Variants in CRTAC1 observed in about 807,000 individuals in gnomAD.
CRTAC1 encodes the protein cartilage acidic protein 1.
A neutral mutation model predicts 67.8 loss-of-function variants in CRTAC1; 37 were observed. The ratio of observed to expected loss-of-function variants is 0.55; its 90% CI spans 0.42 to 0.72. The LOEUF (loss-of-function observed/expected upper bound fraction) is 0.72, where lower values mean the gene tolerates loss of function less well. Among genes scored for constraint, CRTAC1 ranks in the 30% least tolerant of loss-of-function variants. The pLI is 0.00. For missense variants in CRTAC1, 780 were observed against 931.6 expected, an observed-to-expected ratio of 0.84 and a Z score of 2.12; for synonymous variants, 348 against 371.0, an observed-to-expected ratio of 0.94 and a Z score of 0.71.
chr10:97,886,542 C>G (rs2050287837), intron 11 of CRTAC1, among the ~76,000 whole-genome samples: 1 of 152,206 alleles, frequency 6.6e-6, no homozygotes, highest in Non-Finnish European at 1.5e-5. Context: ...CTTTATCAAG[C>G]AAGAAATTAT....
intron 14 of CRTAC1, chr10:97,870,955 C>T (rs536815229): frequency 6.6e-6 from 1 of 152,262 alleles, no homozygotes; most frequent in East Asian, 1.9e-4. Context: ...TATGCAACCC[C>T]CTAAAAAGGT....
At position 97,904,826 on chromosome 10, in the gene CRTAC1, A is replaced by T. The variant is rs1305885285; in HGVS notation, c.851-12T>A. ...GGGGTCGTCCACACCTGGGGAGGAG[A>T]GGCAGGAACTCTCAGGGCGGCATCC... On this transcript the variant is annotated splice_polypyrimidine_tract_variant and intron_variant, in intron 6 of 14. Coordinates refer to ENST00000370597, the MANE Select transcript of CRTAC1 (RefSeq NM_018058.7). 1 of 1,587,344 alleles carries T rather than the reference A, an allele frequency of 6.3e-7. No individual in the cohort carries two copies. The highest frequency in any genetic ancestry group is 1.4e-5 in the African/African-American group (1 of 73,132).
At chr10:97,914,593 T>C (rs114016254) in intron 5 of CRTAC1, among the ~76,000 whole-genome samples, 6,894 of 152,132 alleles carry the variant, frequency 0.045, 512 homozygotes, top group African/African-American at 0.15. Flanking sequence ...CACCTGCTAG[T>C]TCAATGTCCT....
chr10:98,021,938 A>C (rs936507683), intron 1 of CRTAC1, among the ~76,000 whole-genome samples: 1 of 152,214 alleles, frequency 6.6e-6, no homozygotes, highest in Non-Finnish European at 1.5e-5. Context: ...AATTCTTCAA[A>C]CATTGAGAAG....
intron 6 of CRTAC1, 135 bp downstream of exon 6, chr10:97,907,878 G>A (rs2050634941): frequency 1.1e-6 from 1 of 878,782 alleles, no homozygotes; most frequent in Non-Finnish European, 1.7e-6. Flanking sequence ...GTTTCTCTGT[G>A]TGGTGCAGAC....
chr10:97,923,710 C>T (rs903424426), intron 3 of CRTAC1, among the ~76,000 whole-genome samples: 2 of 152,272 alleles, frequency 1.3e-5, no homozygotes, highest in Admixed American at 6.5e-5. Context: ...TGCCCTGCCC[C>T]GTGCTCCTGC....
chr10:97,904,566 C>G, intron 7 of CRTAC1, 103 bp downstream of exon 7: 1 of 1,128,424 alleles, frequency 8.9e-7, no homozygotes, highest in Non-Finnish European at 1.2e-6. Context: ...ATTATAGGCA[C>G]GCACCACCAC....
intron 14 of CRTAC1, chr10:97,867,451 T>A (rs570442493): frequency 6.6e-6 from 1 of 152,370 alleles, no homozygotes; most frequent in East Asian, 1.9e-4. Flanking sequence ...CTACCAGACA[T>A]GGGAGCAGCA....
intron 2 of CRTAC1, among the ~76,000 whole-genome samples, chr10:97,976,326 C>T (rs932689258): frequency 6.6e-6 from 1 of 152,208 alleles, no homozygotes; most frequent in Non-Finnish European, 1.5e-5. Flanking sequence ...ACAGCATGGG[C>T]ACTGGCTCCA....
At chr10:98,018,164 T>C (rs1449240978) in intron 1 of CRTAC1, among the ~76,000 whole-genome samples, 3 of 123,330 alleles carry the variant, frequency 2.4e-5, no homozygotes, top group Non-Finnish European at 4.7e-5. Flanking sequence ...GATTGTGCAC[T>C]GCATTCCAGT....
intron 1 of CRTAC1, among the ~76,000 whole-genome samples, chr10:98,026,771 T>G (rs1326535676): frequency 2.0e-5 from 3 of 152,160 alleles, no homozygotes; most frequent in African/African-American, 7.2e-5. Context: ...CCTCTCAGAA[T>G]TCTGGCTTGG....
chr10:98,013,686 T>G (rs537777186), intron 1 of CRTAC1, among the ~76,000 whole-genome samples: 37 of 151,892 alleles, frequency 2.4e-4, no homozygotes, highest in Non-Finnish European at 3.7e-4. Flanking sequence ...AAAGATTTTG[T>G]TTTTTGGATG....
chr10:97,923,185 C>CA, intron 4 of CRTAC1, 79 bp downstream of exon 4: 1 of 1,554,534 alleles, frequency 6.4e-7, no homozygotes, highest in Non-Finnish European at 8.8e-7. Context: ...GCCACTCTGT[C>CA]AGGGGACGTC....
intron 8 of CRTAC1, among the ~76,000 whole-genome samples, chr10:97,898,096 C>T (rs974459911): frequency 1.3e-5 from 2 of 152,224 alleles, no homozygotes; most frequent in African/African-American, 4.8e-5. Flanking sequence ...TGTGCAGAGA[C>T]ACTTCTTGGT....
At chr10:97,991,421 A>AATAAATAAATAC (rs1198327034) in intron 2 of CRTAC1, among the ~76,000 whole-genome samples, 1 of 44,780 alleles carries the variant, frequency 2.2e-5, no homozygotes, top group African/African-American at 1.7e-4. Context: ...TTTTAAAAAT[A>AATAAATAAATAC]ATAAATAAAT....
chr10:97,912,206 A>T (rs2050696090), intron 5 of CRTAC1, among the ~76,000 whole-genome samples: 1 of 152,226 alleles, frequency 6.6e-6, no homozygotes, highest in Non-Finnish European at 1.5e-5. Flanking sequence ...CACAGTCATT[A>T]GCTGGGACTA....
chr10:97,961,376 A>G (rs1399770635), intron 2 of CRTAC1, among the ~76,000 whole-genome samples: 1 of 152,220 alleles, frequency 6.6e-6, no homozygotes, highest in East Asian at 1.9e-4. Flanking sequence ...TAGGGGGGAA[A>G]ACGTCATGAA....
chr10:98,003,783 G>T (rs898923451), intron 2 of CRTAC1, among the ~76,000 whole-genome samples: 4 of 152,178 alleles, frequency 2.6e-5, no homozygotes, highest in African/African-American at 9.7e-5. Context: ...GTGTGTATGT[G>T]TGCATGTGTG....
At chr10:97,901,743 C>T in intron 7 of CRTAC1, 104 bp from the exon 8 acceptor site, 2 of 1,426,210 alleles carry the variant, frequency 1.4e-6, no homozygotes, top group Non-Finnish European at 1.9e-6. Context: ...AGAGACAGTC[C>T]AACCCAAAAG....
Sources: gnomAD v4.1 joint callset for allele counts (sites outside exome capture counted in the v4.1 genomes callset) on GRCh38, gnomAD v4.1.1 for gene constraint, MANE v1.5 for transcripts, NCBI Gene and HGNC (gene_info 2026-07-23, HGNC 2026-07-21) for gene names.